The following ANKRD36C variants were observed in gnomAD, a reference collection of about 807,000 sequenced individuals.
ANKRD36C encodes the protein ankyrin repeat domain-containing protein 36C.
A neutral mutation model predicts 276.4 loss-of-function variants in ANKRD36C; 61 were observed. That is an observed-to-expected ratio of 0.22 (90% CI 0.18 to 0.27). The LOEUF (loss-of-function observed/expected upper bound fraction) is 0.27, where lower values mean the gene tolerates loss of function less well. ANKRD36C is among the 10% of genes least tolerant of loss of function. ANKRD36C has a pLI of 1.00. For synonymous variants in ANKRD36C, 483 were observed against 680.1 expected, an observed-to-expected ratio of 0.71 and a Z score of 4.51; for missense variants, 1,447 against 2,032.3, an observed-to-expected ratio of 0.71 and a Z score of 5.54.
chr2:95,966,569 TGTA>T (rs1216349571), intron 6 of ANKRD36C, among the ~76,000 whole-genome samples: 2 of 152,202 alleles, frequency 1.3e-5, no homozygotes, highest in Non-Finnish European at 2.9e-5. Flanking sequence ...ACTGTAGCCT[TGTA>T]GTATATTTTG....
At chr2:95,870,260 C>T (rs1361256806) in intron 59 of ANKRD36C, among the ~76,000 whole-genome samples, 1 of 152,170 alleles carries the variant, frequency 6.6e-6, no homozygotes, top group Non-Finnish European at 1.5e-5. Context: ...CTGGGAGGCA[C>T]CCCCAGGTAG....
At chr2:95,929,510 T>G (rs1677507556) in intron 24 of ANKRD36C, among the ~76,000 whole-genome samples, 1 of 151,544 alleles carries the variant, frequency 6.6e-6, no homozygotes, top group South Asian at 2.1e-4. Flanking sequence ...TTTCTCCATA[T>G]GTCTAAAACT....
At chr2:95,919,641 T>TCCCCCCCCCCCCCCC in intron 34 of ANKRD36C, 92 bp downstream of exon 36, 1 of 567,014 alleles carries the variant, frequency 1.8e-6, no homozygotes, top group Non-Finnish European at 2.2e-6. Context: ...CTTCGGCGAC[T>TCCCCCCCCCCCCCCC]CCCCCCACCC....
At chr2:95,966,280 C>G (rs1344816130) in intron 6 of ANKRD36C, among the ~76,000 whole-genome samples, 2 of 152,112 alleles carry the variant, frequency 1.3e-5, no homozygotes, top group Admixed American at 1.3e-4. Flanking sequence ...AGGTTTTCAT[C>G]CAGGGTTTTT....
chr2:95,866,775 T>C (rs1278789754), intron 60 of ANKRD36C, among the ~76,000 whole-genome samples: 2 of 152,102 alleles, frequency 1.3e-5, no homozygotes, highest in African/African-American at 4.8e-5. Context: ...GTGATGGATA[T>C]ATGTTGACTA....
At chr2:95,980,359 A>G (rs1678891861) in intron 5 of ANKRD36C, among the ~76,000 whole-genome samples, 2 of 152,108 alleles carry the variant, frequency 1.3e-5, no homozygotes, top group South Asian at 2.1e-4. Flanking sequence ...TATCCTATGC[A>G]TAGGGGTTAT....
chr2:95,925,288 C>T lies in ANKRD36C; in HGVS notation c.2041+64G>A, dbSNP rs1677372822. The T allele has an allele frequency of 1.6e-4, 243 of 1,544,376 alleles. 2 individuals carry two copies. The South Asian group carries it at 2.6e-3, about 17-fold the overall frequency. On this transcript the variant is annotated intron_variant, in intron 30 of 66. Transcript: ENST00000456556. ...TTCAATGACACTCCACTGATCTATT[C>T]AGGGGTGGGACGTTCTCTTCTGTCT...
chr2:95,955,112 T>G, intron 13 of ANKRD36C, among the ~76,000 whole-genome samples: 1 of 152,264 alleles, frequency 6.6e-6, no homozygotes, highest in Non-Finnish European at 1.5e-5. Flanking sequence ...CTACCCTACA[T>G]GTACATGAGA....
At chr2:95,870,045 G>A (rs1481037007) in intron 59 of ANKRD36C, among the ~76,000 whole-genome samples, 1 of 152,234 alleles carries the variant, frequency 6.6e-6, no homozygotes, top group African/African-American at 2.4e-5. Flanking sequence ...ACAGCTCAAG[G>A]AGGCCTGCCT....
chr2:95,915,941 T>C, intron 38 of ANKRD36C, 39 bp downstream of exon 40: 1 of 1,538,296 alleles, frequency 6.5e-7, no homozygotes. Flanking sequence ...ACTTCTTATC[T>C]GGACTGAACA....
intron 60 of ANKRD36C, among the ~76,000 whole-genome samples, chr2:95,863,611 G>A (rs1675629262): frequency 1.3e-5 from 2 of 152,058 alleles, no homozygotes; most frequent in African/African-American, 2.4e-5. Context: ...ATAGTGGAGT[G>A]AATAAACTGT....
At chr2:95,963,972 A>AATAAATAT (rs1678521503) in intron 6 of ANKRD36C, among the ~76,000 whole-genome samples, 6 of 48,990 alleles carry the variant, frequency 1.2e-4, no homozygotes, top group South Asian at 7.9e-4. Flanking sequence ...TATATATATA[A>AATAAATAT]ATATATATAT....
intron 1 of ANKRD36C, among the ~76,000 whole-genome samples, chr2:95,990,087 T>C (rs938449041): frequency 2.0e-5 from 3 of 152,234 alleles, no homozygotes; most frequent in Non-Finnish European, 4.4e-5. Flanking sequence ...CTTGTGATAT[T>C]TGTAGGAATA....
chr2:95,987,366 A>C (rs1286637353), intron 1 of ANKRD36C, among the ~76,000 whole-genome samples, 160 bp from the exon 2 acceptor site: 1 of 152,230 alleles, frequency 6.6e-6, no homozygotes, highest in Non-Finnish European at 1.5e-5. Flanking sequence ...TTAATAGAAA[A>C]GCCTTGGCTT....
intron 34 of ANKRD36C, 78 bp downstream of exon 36, chr2:95,919,655 C>CAA: frequency 3.3e-6 from 2 of 613,738 alleles, no homozygotes; most frequent in Non-Finnish European, 4.0e-6. Context: ...CCCACCCACC[C>CAA]TCCGCTGATT....
intron 42 of ANKRD36C, 102 bp from the exon 53 acceptor site, chr2:95,903,183 T>G: frequency 6.6e-7 from 1 of 1,507,222 alleles, no homozygotes; most frequent in African/African-American, 1.4e-5. Flanking sequence ...CCTGCCTGTA[T>G]TAGCGTAGGC....
intron 14 of ANKRD36C, among the ~76,000 whole-genome samples, chr2:95,952,240 G>A (rs1573798358): frequency 6.6e-6 from 1 of 152,308 alleles, no homozygotes; most frequent in South Asian, 2.1e-4. Flanking sequence ...CATAATATAT[G>A]CCTAATAATA....
chr2:95,902,996 G>C, intron 42 of ANKRD36C, 38 bp from the exon 54 acceptor site: 8 of 1,573,426 alleles, frequency 5.1e-6, no homozygotes, highest in Non-Finnish European at 6.9e-6. Context: ...AATTAATAAA[G>C]TATGCTTCAT....
intron 44 of ANKRD36C, among the ~76,000 whole-genome samples, chr2:95,896,288 A>G (rs1676548220): frequency 6.7e-6 from 1 of 149,722 alleles, no homozygotes. Context: ...TAAAAATATC[A>G]TCAATTGTCA....
Sources: gnomAD v4.1 joint callset for allele counts (sites outside exome capture counted in the v4.1 genomes callset) on GRCh38, gnomAD v4.1.1 for gene constraint, MANE v1.5 for transcripts, NCBI Gene and HGNC (gene_info 2026-07-23, HGNC 2026-07-21) for gene names.